ERAP1: variants seen among roughly 807,000 people sequenced by gnomAD.
ERAP1 encodes endoplasmic reticulum aminopeptidase 1, also known as adipocyte-derived leucine aminopeptidase.
A neutral mutation model predicts 103.7 loss-of-function variants in ERAP1; 86 were observed. The ratio of observed to expected loss-of-function variants is 0.83; its 90% CI spans 0.70 to 0.99. ERAP1 has a LOEUF of 0.99. Among genes scored for constraint, ERAP1 ranks in the 50% least tolerant of loss-of-function variants. ERAP1 has a pLI of 0.00. For synonymous variants in ERAP1, 398 were observed against 402.4 expected, an observed-to-expected ratio of 0.99 and a Z score of 0.13; for missense variants, 1,009 against 1,128.4, an observed-to-expected ratio of 0.89 and a Z score of 1.52.
chr5:96,807,775 C>T (rs1039339220), intron 1 of ERAP1, 85 bp downstream of exon 1: 20 of 938,036 alleles, frequency 2.1e-5, no homozygotes, highest in Non-Finnish European at 2.5e-5. Context: ...CCTCAGCCCC[C>T]CACTTGACGG....
At position 96,807,850 on chromosome 5, in the gene ERAP1, C is replaced by A; in HGVS notation, c.-18+10G>T. 1 of 985,804 alleles carries A rather than the reference C, an allele frequency of 1.0e-6. No homozygotes were observed. The highest frequency in any genetic ancestry group is 1.2e-6 in the Non-Finnish European group (1 of 830,160). 61.1% of individuals were successfully genotyped at this position (985,804 alleles called of 1,614,324 possible). Reference sequence around the variant, plus strand: ...CGCAGTCCCCTACCCGCGGCTCGAGCGCGCTGTACCTGGGGTTCTGGGGCC... The same window carrying A: ...CGCAGTCCCCTACCCGCGGCTCGAGAGCGCTGTACCTGGGGTTCTGGGGCC... On this transcript the variant is annotated intron_variant, in intron 1 of 18. Transcript: ENST00000443439.
intron 2 of ERAP1, among the ~76,000 whole-genome samples, chr5:96,801,269 G>T (rs1019888481): frequency 2.0e-5 from 3 of 151,856 alleles, no homozygotes; most frequent in African/African-American, 7.3e-5. Context: ...ACCTACCTGG[G>T]CAACATGGTA....
At chr5:96,876,723 G>C in the ERAP1 span, among the ~76,000 whole-genome samples, 3 of 152,174 alleles carry the variant, frequency 2.0e-5, no homozygotes, top group African/African-American at 7.2e-5. Context: ...CTAAGACGCT[G>C]CTGCACTGAC....
intron 3 of ERAP1, among the ~76,000 whole-genome samples, chr5:96,798,792 A>G (rs1274792565): frequency 1.3e-5 from 2 of 151,692 alleles, no homozygotes; most frequent in African/African-American, 4.8e-5. Context: ...TACCCAGCCT[A>G]GGATTACTCA....
the ERAP1 span, among the ~76,000 whole-genome samples, chr5:96,890,704 G>C: frequency 3.9e-5 from 6 of 152,156 alleles, no homozygotes; most frequent in South Asian, 1.2e-3. Flanking sequence ...TTGGCATACA[G>C]TTCCAGGCTT....
intron 1 of ERAP1, 37 bp downstream of exon 1, chr5:96,807,822 GC>G: frequency 1.0e-6 from 1 of 984,904 alleles, no homozygotes; most frequent in Non-Finnish European, 1.2e-6. Flanking sequence ...TCTCCTCCCG[GC>G]CCGCAGTCCC....
the ERAP1 span, among the ~76,000 whole-genome samples, chr5:96,908,053 T>C: frequency 6.6e-6 from 1 of 152,210 alleles, no homozygotes; most frequent in African/African-American, 2.4e-5. Context: ...TTCTTTTTCA[T>C]TTCCTTCTGG....
At chr5:96,776,718 T>G in intron 18 of ERAP1, 167 bp from the exon 19 acceptor site, 2 of 875,572 alleles carry the variant, frequency 2.3e-6, no homozygotes, top group Non-Finnish European at 3.4e-6. Flanking sequence ...TGAAATGAGC[T>G]CATGCCTCAT....
chr5:96,775,399 G>C lies in ERAP1; in HGVS notation c.*997C>G. The C allele has an allele frequency of 1.0e-6, 1 of 969,270 alleles. No homozygotes were observed. Among genetic ancestry groups the C allele is most frequent in the Non-Finnish European group, 1.2e-6 (1 of 814,754 alleles). The allele number at this position is 969,270 out of a possible 1,614,324, so 60.0% of individuals were successfully genotyped here. Reference sequence around the variant, plus strand: ...GTAAATGCCAATAACTAGTTAGTTAGAAATTGTAAAGTAGGCCAAATAAGA... The same window carrying C: ...GTAAATGCCAATAACTAGTTAGTTACAAATTGTAAAGTAGGCCAAATAAGA... On this transcript the variant is annotated 3_prime_UTR_variant, in exon 19 of 19. Transcript: ENST00000443439.
the ERAP1 span, among the ~76,000 whole-genome samples, chr5:96,862,453 A>G: frequency 6.6e-6 from 1 of 152,244 alleles, no homozygotes; most frequent in Non-Finnish European, 1.5e-5. Flanking sequence ...CAACCTTGTG[A>G]AGATGGCCTG....
At chr5:96,920,333 G>A in the ERAP1 span, among the ~76,000 whole-genome samples, 2 of 150,410 alleles carry the variant, frequency 1.3e-5, no homozygotes, top group Non-Finnish European at 3.0e-5. Context: ...GAGTCTAACT[G>A]CCATGGTAAG....
chr5:96,774,612 G>GA lies in ERAP1; in HGVS notation c.*1783dup, dbSNP rs1773683122. Reference sequence around the variant, plus strand: ...ATAGGTTCCTCAGGTGACCAAAACTGAAAATCAATATTTCCATGTTTCATT... The same window carrying GA: ...ATAGGTTCCTCAGGTGACCAAAACTGAAAAATCAATATTTCCATGTTTCATT... On this transcript the variant is annotated 3_prime_UTR_variant, in exon 19 of 19. Transcript: ENST00000443439. The GA allele has an allele frequency of 1.0e-6, 1 of 985,256 alleles. No homozygotes were observed. The highest frequency in any genetic ancestry group is 6.1e-5 in the Admixed American group (1 of 16,264). The allele number at this position is 985,256 out of a possible 1,614,324, so 61.0% of individuals were successfully genotyped here.
chr5:96,899,861 T>G, the ERAP1 span, among the ~76,000 whole-genome samples: 2 of 152,196 alleles, frequency 1.3e-5, no homozygotes, highest in African/African-American at 4.8e-5. Flanking sequence ...TGATTCTTCC[T>G]TAGAACGGTT....
At chr5:96,922,925 A>C in the ERAP1 span, among the ~76,000 whole-genome samples, 1 of 152,186 alleles carries the variant, frequency 6.6e-6, no homozygotes, top group South Asian at 2.1e-4. Flanking sequence ...CTAGTTTCAA[A>C]CAACTGTGCC....
the ERAP1 span, among the ~76,000 whole-genome samples, chr5:96,835,750 G>A: frequency 6.6e-6 from 1 of 152,170 alleles, no homozygotes. Context: ...TCACAAGTCG[G>A]AAAGGCCCAT....
In ERAP1 at chr5:96,803,874, G is replaced by T; in HGVS notation, c.53C>A (p.Ser18Tyr). The change falls in exon 2 of 19, where the codon TCC (serine) becomes TAC (tyrosine). Residue 18 changes from serine to tyrosine, a missense_variant. Ser to Tyr is a moderately radical substitution (Grantham distance 144). Coordinates refer to ENST00000443439, the MANE Select transcript of ERAP1 (RefSeq NM_001040458.3). ...WSLATMSFLL[S>Y]SLLALLTVST... is the part of the protein sequence containing the mutation. ...CACAGTTAAGAGAGCCAACAGTGAG[G>T]AAAGTAGAAATGACATGGTTGCAAG... The T allele has an allele frequency of 1.2e-6, 2 of 1,612,924 alleles. No individual in the cohort carries two copies. Among genetic ancestry groups the T allele is most frequent in the Non-Finnish European group, 8.5e-7 (1 of 1,180,034 alleles).
the ERAP1 span, among the ~76,000 whole-genome samples, chr5:96,924,474 C>A: frequency 2.6e-5 from 4 of 152,154 alleles, no homozygotes; most frequent in African/African-American, 9.7e-5. Flanking sequence ...TGGGAGTGAA[C>A]CTTGGGCAAG....
At chr5:96,796,847 G>A (rs1277688703) in intron 4 of ERAP1, among the ~76,000 whole-genome samples, 1 of 152,178 alleles carries the variant, frequency 6.6e-6, no homozygotes, top group Admixed American at 6.5e-5. Context: ...TGCCCAGGCT[G>A]GAGTGCACAA....
chr5:96,790,667 G>C (rs1343169909), intron 8 of ERAP1, 24 bp from the exon 9 acceptor site: 3 of 1,590,096 alleles, frequency 1.9e-6, no homozygotes. Context: ...AGAAATAATT[G>C]TTATCTATAG....
Sources: allele counts gnomAD v4.1 joint callset (sites outside exome capture counted in the v4.1 genomes callset), GRCh38; gene constraint gnomAD v4.1.1; transcripts MANE v1.5; gene names NCBI Gene and HGNC (gene_info 2026-07-23, HGNC 2026-07-21).